The following GTF2H1 variants were observed in gnomAD, a reference collection of about 807,000 sequenced individuals.
GTF2H1 encodes the protein BTF2 p62.
Under a neutral mutation model 71.2 loss-of-function variants are expected in GTF2H1, and 16 were observed. That is an observed-to-expected ratio of 0.22 (90% CI 0.15 to 0.34). The LOEUF (loss-of-function observed/expected upper bound fraction) is 0.34, where lower values mean the gene tolerates loss of function less well. GTF2H1 is among the 10% of genes least tolerant of loss of function. The pLI is 1.00. For missense variants in GTF2H1, 498 were observed against 648.2 expected (o/e 0.77, Z 2.52); for synonymous variants, 215 against 219.0 (o/e 0.98, Z 0.16).
At chr11:18,338,997 ATAT>A (rs1242997514) in intron 4 of GTF2H1, among the ~76,000 whole-genome samples, 1 of 152,162 alleles carries the variant, frequency 6.6e-6, no homozygotes, top group Non-Finnish European at 1.5e-5. Flanking sequence ...TATCATGACC[ATAT>A]TATAGAAAAT....
At chr11:18,331,676 G>A (rs764288570) in intron 1 of GTF2H1, among the ~76,000 whole-genome samples, 1 of 151,600 alleles carries the variant, frequency 6.6e-6, no homozygotes, top group Non-Finnish European at 1.5e-5. Context: ...CAAAAAAAAA[G>A]AGGTGATGGT....
At position 18,354,933 on chromosome 11, in the gene GTF2H1, C is replaced by A. The variant is rs371927697; in HGVS notation, c.1260+2487C>A. 8.9e-3 allele frequency among the ~76,000 whole-genome samples: 1,346 copies of A among 151,920 alleles called. 8 individuals carry two copies. Among genetic ancestry groups the A allele is most frequent in the Non-Finnish European group, 0.014 (952 of 67,960 alleles). On this transcript the variant is annotated intron_variant, in intron 11 of 14. Transcript: ENST00000265963. ...AAGCGATCCTCCCACCTCAGCCCCCCAAGTAGCTGAAACCACAGGCACTCA... is the reference window on the plus strand; with the variant it reads ...AAGCGATCCTCCCACCTCAGCCCCCAAAGTAGCTGAAACCACAGGCACTCA...
intron 7 of GTF2H1, among the ~76,000 whole-genome samples, chr11:18,346,173 A>G (rs1590191667): frequency 6.6e-6 from 1 of 152,182 alleles, no homozygotes; most frequent in Non-Finnish European, 1.5e-5. Context: ...AACCATATAC[A>G]GTCTCATGAC....
intron 7 of GTF2H1, among the ~76,000 whole-genome samples, chr11:18,345,641 G>T (rs980950953): frequency 6.6e-6 from 1 of 151,816 alleles, no homozygotes; most frequent in African/African-American, 2.4e-5. Flanking sequence ...TGGGATCATA[G>T]GCACACACCA....
intron 2 of GTF2H1, among the ~76,000 whole-genome samples, chr11:18,334,356 G>C (rs1220347026): frequency 1.3e-5 from 2 of 152,140 alleles, no homozygotes. Flanking sequence ...CTCCAGTCTG[G>C]GTGCGAGACT....
chr11:18,365,073 AAAAAG>A (rs1865787780), intron 14 of GTF2H1, among the ~76,000 whole-genome samples: 1 of 148,676 alleles, frequency 6.7e-6, no homozygotes, highest in Non-Finnish European at 1.5e-5. Flanking sequence ...CCACTATTTA[AAAAAG>A]AAAAAAAAAA....
At chr11:18,351,802 C>T in intron 9 of GTF2H1, 79 bp from the exon 10 acceptor site, 1 of 752,804 alleles carries the variant, frequency 1.3e-6, no homozygotes. Context: ...ACCCTCTGTA[C>T]AGTTTTGTTT....
At chr11:18,362,453 A>C (rs1371575247) in intron 14 of GTF2H1, among the ~76,000 whole-genome samples, 5 of 152,152 alleles carry the variant, frequency 3.3e-5, no homozygotes, top group Admixed American at 3.3e-4. Flanking sequence ...TTTCTTCAAT[A>C]ATAAATTAGC....
chr11:18,341,295 C>T lies in GTF2H1; in HGVS notation c.642C>T (p.Asn214=), dbSNP rs1269697164. 2 of 1,613,446 alleles carry T rather than the reference C, an allele frequency of 1.2e-6. No homozygotes were observed. The highest frequency in any genetic ancestry group is 1.3e-5 in the African/African-American group (1 of 74,902). The change falls in exon 6 of 15, where the codon AAC becomes AAT. Residue 214 remains asparagine, a synonymous_variant. Transcript: ENST00000265963. Reference sequence around the variant, plus strand: ...AATATGCAGAAAATGTTCCCCACAACATGACAGAGAAGGAATTCTGGACAC... The same window carrying T: ...AATATGCAGAAAATGTTCCCCACAATATGACAGAGAAGGAATTCTGGACAC... ...KMKYAENVPH[N]MTEKEFWTRF... is the part of the protein sequence containing the mutation.
chr11:18,331,148 A>G (rs1450656565), intron 1 of GTF2H1, among the ~76,000 whole-genome samples: 1 of 152,122 alleles, frequency 6.6e-6, no homozygotes, highest in Non-Finnish European at 1.5e-5. Context: ...CCTGGGCTCA[A>G]GCGATTCTCC....
At chr11:18,341,504 C>T in intron 6 of GTF2H1, 24 bp from the exon 7 acceptor site, 7 of 1,606,272 alleles carry the variant, frequency 4.4e-6, no homozygotes, top group Non-Finnish European at 6.0e-6. Flanking sequence ...ACATGCTGAA[C>T]TTTTTATTTT....
intron 9 of GTF2H1, among the ~76,000 whole-genome samples, chr11:18,350,265 C>T (rs1005558287): frequency 1.3e-5 from 2 of 152,120 alleles, no homozygotes; most frequent in African/African-American, 4.8e-5. Flanking sequence ...GTCAGGTGAC[C>T]TAACAAGGCC....
At chr11:18,348,880 T>C (rs1182958220) in intron 9 of GTF2H1, 1 of 152,176 alleles carries the variant, frequency 6.6e-6, no homozygotes, top group Non-Finnish European at 1.5e-5. Flanking sequence ...TTTGTTGTTG[T>C]TATTGTTTGT....
chr11:18,364,642 A>G (rs899724461), intron 14 of GTF2H1, among the ~76,000 whole-genome samples: 5 of 152,172 alleles, frequency 3.3e-5, no homozygotes, highest in African/African-American at 1.2e-4. Flanking sequence ...AGCTATGTCC[A>G]TGATGAGGGC....
chr11:18,354,676 C>T (rs540982930), intron 11 of GTF2H1, among the ~76,000 whole-genome samples: 23 of 152,322 alleles, frequency 1.5e-4, no homozygotes, highest in African/African-American at 4.1e-4. Context: ...TTTCTAATTC[C>T]ATCAGCCCTT....
intron 7 of GTF2H1, among the ~76,000 whole-genome samples, chr11:18,344,485 G>A (rs373682674): frequency 9.2e-5 from 14 of 151,996 alleles, no homozygotes; most frequent in African/African-American, 2.7e-4. Flanking sequence ...CGGGCCTGGC[G>A]GCACATGCCT....
At chr11:18,355,877 G>C (rs1173052280) in intron 11 of GTF2H1, among the ~76,000 whole-genome samples, 1 of 152,090 alleles carries the variant, frequency 6.6e-6, no homozygotes, top group Non-Finnish European at 1.5e-5. Flanking sequence ...AACCGGTTCT[G>C]TCACCCCAGA....
intron 1 of GTF2H1, chr11:18,324,323 A>G (rs1864703104): frequency 6.6e-6 from 1 of 152,246 alleles, no homozygotes; most frequent in Admixed American, 6.5e-5. Context: ...CTTAGGTGAT[A>G]TAAAATACAC....
At chr11:18,365,069 T>A (rs61884322) in intron 14 of GTF2H1, among the ~76,000 whole-genome samples, 1 of 112,230 alleles carries the variant, frequency 8.9e-6, no homozygotes, top group Non-Finnish European at 1.7e-5. Flanking sequence ...ATCTCCACTA[T>A]TTAAAAAAGA....
Sources: allele counts gnomAD v4.1 joint callset (sites outside exome capture counted in the v4.1 genomes callset), GRCh38; gene constraint gnomAD v4.1.1; transcripts MANE v1.5; gene names NCBI Gene and HGNC (gene_info 2026-07-23, HGNC 2026-07-21).